The following DNAJA3 variants were observed in gnomAD, a reference collection of about 807,000 sequenced individuals.
The protein encoded by DNAJA3 is dnaJ homolog subfamily A member 3, mitochondrial.
DNAJA3 carries 29 observed loss-of-function variants against 54.9 expected under a neutral mutation model. That is an observed-to-expected ratio of 0.53 (90% confidence interval 0.39 to 0.72). The LOEUF is 0.72. DNAJA3 is among the 30% of genes least tolerant of loss of function. The pLI, the probability that DNAJA3 is intolerant of heterozygous loss-of-function variation, is 0.00. For synonymous variants in DNAJA3, 302 were observed against 251.4 expected, an observed-to-expected ratio of 1.20 and a Z score of -1.90; for missense variants, 708 against 639.4, an observed-to-expected ratio of 1.11 and a Z score of -1.16.
At chr16:4,433,269 C>G (rs531800037) in intron 1 of DNAJA3, 3 of 152,276 alleles carry the variant, frequency 2.0e-5, no homozygotes, top group Non-Finnish European at 1.5e-5. Flanking sequence ...CAAAGTCATC[C>G]TAGTTAGTAA....
intron 1 of DNAJA3, chr16:4,430,445 C>T (rs1249753281): frequency 2.0e-5 from 3 of 151,808 alleles, no homozygotes; most frequent in Non-Finnish European, 4.4e-5. Context: ...TTCCTGTAAT[C>T]CCAGCTACTC....
At position 4,425,967 on chromosome 16, in the gene DNAJA3, C is replaced by A; in HGVS notation, c.86C>A (p.Pro29Gln). 1.3e-6 allele frequency: 2 copies of A among 1,583,394 alleles called. No homozygotes were observed. The highest frequency in any genetic ancestry group is 1.8e-5 in the Admixed American group (1 of 55,554). ...GCTATATCGGGTAGAGGGGCCCGGC[C>A]GCCCAGGGAGGGCGTGGTGGGGGCA... is the stretch of plus-strand genomic sequence containing the variant. ...LPAISGRGAR[P>Q]PREGVVGAWL... Residue 29 changes from proline to glutamine, a missense_variant, in exon 1 of 12, where the codon CCG (proline) becomes CAG (glutamine). By Grantham distance (76) the Pro-to-Gln change is moderately conservative. Transcript: ENST00000262375.
At chr16:4,436,733 G>A (rs529454099) in intron 2 of DNAJA3, among the ~76,000 whole-genome samples, 48 of 152,130 alleles carry the variant, frequency 3.2e-4, no homozygotes, top group Non-Finnish European at 6.5e-4. Flanking sequence ...ATGGGGTTTC[G>A]CCATGTTGGC....
At position 4,454,196 on chromosome 16, in the gene DNAJA3, A is replaced by T. The variant is rs551484500; in HGVS notation, c.1340-615A>T. Among the ~76,000 whole-genome samples, 5 of 152,298 alleles carry T rather than the reference A, an allele frequency of 3.3e-5. 1 individual carries two copies. The South Asian group carries it at 8.3e-4, about 25-fold the overall frequency. On this transcript the variant is annotated intron_variant, in intron 10 of 11. Transcript: ENST00000262375. ...GATTGTGCGTGGCCGTGACTCCCAC[A>T]TGGGCTGTTCTGCAGGGTCTTTGCG...
intron 6 of DNAJA3, among the ~76,000 whole-genome samples, chr16:4,443,790 C>A (rs527916082): frequency 3.3e-3 from 503 of 152,182 alleles, no homozygotes; most frequent in South Asian, 7.3e-3. Flanking sequence ...AGGCTCATGC[C>A]ATTCTCCTGC....
chr16:4,444,848 G>T, intron 7 of DNAJA3, 120 bp downstream of exon 7: 2 of 907,948 alleles, frequency 2.2e-6, no homozygotes, highest in Non-Finnish European at 3.4e-6. Context: ...TCATGTTTCT[G>T]AGGGGCACAG....
intron 1 of DNAJA3, chr16:4,431,719 AG>A (rs1440892334): frequency 6.6e-6 from 1 of 152,070 alleles, no homozygotes; most frequent in Non-Finnish European, 1.5e-5. Context: ...CTGGGATTAC[AG>A]GCGTGCACCA....
chr16:4,454,838 G>A lies in DNAJA3; in HGVS notation c.1367G>A (p.Gly456Glu). 1 of 1,614,090 alleles carries A rather than the reference G, an allele frequency of 6.2e-7. No individual in the cohort carries two copies. The highest frequency in any genetic ancestry group is 8.5e-7 in the Non-Finnish European group (1 of 1,179,966). Residue 456 changes from glycine (G) to glutamate (E), a missense_variant, in exon 11 of 12, where the codon GGA (glycine) becomes GAA (glutamate). Physicochemically the swap from Gly to Glu is moderately conservative, Grantham distance 98. Transcript: ENST00000262375. ...SGGSTMDSSA[G>E]SKARREAGED... ...GGCAGCACCATGGATAGCTCCGCAG[G>A]AAGCAAGGCTAGGCGTGAGGCTGGG...
chr16:4,437,795 A>G (rs2056789679), intron 3 of DNAJA3, among the ~76,000 whole-genome samples: 1 of 151,270 alleles, frequency 6.6e-6, no homozygotes, highest in African/African-American at 2.4e-5. Context: ...ACAAAAAAAA[A>G]AAAAAAAATC....
rs369435184 is a variant in DNAJA3 at position 4,425,900 on chromosome 16, A to C, written c.19A>C (p.Thr7Pro). 3.2e-6 allele frequency: 5 copies of C among 1,542,724 alleles called. No homozygotes were observed. The highest frequency in any genetic ancestry group is 2.4e-5 in the South Asian group (2 of 83,902). ...GGCCAAGATGGCTGCGCGGTGCTCC[A>C]CACGCTGGTTGCTGGTGGTTGTGGG... MAARCS[T>P]RWLLVVVGTP... is the part of the protein sequence containing the mutation. Residue 7 changes from threonine to proline, a missense_variant, in exon 1 of 12, where the codon ACA becomes CCA. Thr to Pro is a conservative substitution (Grantham distance 38, BLOSUM62 -1). Transcript: ENST00000262375.
At chr16:4,448,625 T>A in intron 8 of DNAJA3, 108 bp from the exon 9 acceptor site, 3 of 770,620 alleles carry the variant, frequency 3.9e-6, no homozygotes, top group Non-Finnish European at 6.6e-6. Flanking sequence ...CGTGAGCCAG[T>A]GGTAGTTCTT....
chr16:4,455,359 C>T (rs147591313), intron 11 of DNAJA3, 187 bp from the exon 12 acceptor site: 14,896 of 655,710 alleles, frequency 0.023, 229 homozygotes, highest in Middle Eastern at 0.037. Flanking sequence ...GGGGGCTGCT[C>T]CAGGGGTAGC....
intron 5 of DNAJA3, chr16:4,442,666 T>G: frequency 1.9e-6 from 1 of 522,486 alleles, no homozygotes; most frequent in South Asian, 3.3e-5. Flanking sequence ...AGTTGTCACT[T>G]TCTTCTTTAT....
chr16:4,437,584 C>T, intron 3 of DNAJA3, 99 bp downstream of exon 3: 1 of 929,636 alleles, frequency 1.1e-6, no homozygotes, highest in Non-Finnish European at 1.7e-6. Context: ...TCATACAGTC[C>T]AGTGTGAAGG....
chr16:4,428,733 T>C (rs1270335722), intron 1 of DNAJA3, among the ~76,000 whole-genome samples: 1 of 152,124 alleles, frequency 6.6e-6, no homozygotes, highest in Admixed American at 6.6e-5. Flanking sequence ...TACGTGCTGT[T>C]TTCACAGATA....
At chr16:4,430,596 A>G (rs980211332) in intron 1 of DNAJA3, 5 of 151,868 alleles carry the variant, frequency 3.3e-5, no homozygotes, top group African/African-American at 1.2e-4. Flanking sequence ...GTTGTTGGAC[A>G]GTGGGTTGGC....
chr16:4,453,812 T>C (rs2057004626), intron 10 of DNAJA3, among the ~76,000 whole-genome samples: 2 of 152,356 alleles, frequency 1.3e-5, no homozygotes, highest in African/African-American at 2.4e-5. Context: ...CCCCAAACTT[T>C]GGACCTTTCA....
rs2056617339 is a variant in DNAJA3, at chr16:4,426,021, C to A, written c.140C>A (p.Ala47Asp). ...AWLSRKLSVP[A>D]FASSLTSCGP... ...CTGAGCCGCAAGCTGAGCGTCCCCG[C>A]CTTTGCGTCTTCCCTGACCTCTTGC... The change falls in exon 1 of 12, where the codon GCC becomes GAC. Residue 47 changes from alanine (A) to aspartate (D), a missense_variant. Ala to Asp is a moderately radical substitution (Grantham distance 126). Transcript: ENST00000262375. The A allele has an allele frequency of 1.9e-6, 3 of 1,608,350 alleles. No homozygotes were observed. The highest frequency in any genetic ancestry group is 2.5e-6 in the Non-Finnish European group (3 of 1,177,876).
At chr16:4,454,587 C>G (rs1255504849) in intron 10 of DNAJA3, among the ~76,000 whole-genome samples, 1 of 152,214 alleles carries the variant, frequency 6.6e-6, no homozygotes, top group Non-Finnish European at 1.5e-5. Context: ...ATTGAAAGAG[C>G]AGTTGGGAGA....
Sources: gnomAD v4.1 joint callset for allele counts (sites outside exome capture counted in the v4.1 genomes callset) on GRCh38, gnomAD v4.1.1 for gene constraint, MANE v1.5 for transcripts, NCBI Gene and HGNC (gene_info 2026-07-23, HGNC 2026-07-21) for gene names.